The following ARHGAP42 variants were observed in gnomAD, a reference collection of about 807,000 sequenced individuals.
The protein encoded by ARHGAP42 is rho GTPase-activating protein 42.
A neutral mutation model predicts 125.0 loss-of-function variants in ARHGAP42; 63 were observed. That is an observed-to-expected ratio of 0.50 (90% CI 0.41 to 0.62). ARHGAP42 has a LOEUF of 0.62. Ranked by LOEUF, ARHGAP42 falls within the 20% of genes least tolerant of loss-of-function variation. The probability of loss-of-function intolerance (pLI) is 0.00; values close to 1 mark genes in which losing one functional copy is unlikely to be tolerated. For synonymous variants in ARHGAP42, 339 were observed against 351.0 expected, an observed-to-expected ratio of 0.97 and a Z score of 0.38; for missense variants, 766 against 1,024.2, an observed-to-expected ratio of 0.75 and a Z score of 3.44.
intron 5 of ARHGAP42, 146 bp from the exon 6 acceptor site, chr11:100,921,348 A>G (rs558585654): frequency 1.9e-4 from 103 of 534,712 alleles, no homozygotes; most frequent in South Asian, 6.5e-4. Flanking sequence ...TGCCCCATAC[A>G]CTATAAGCTC....
intron 2 of ARHGAP42, among the ~76,000 whole-genome samples, chr11:100,794,277 C>T (rs1863653516): frequency 6.6e-6 from 1 of 152,028 alleles, no homozygotes; most frequent in African/African-American, 2.4e-5. Flanking sequence ...GCTACTATAA[C>T]ATCCCTTTAA....
At chr11:100,725,143 T>C (rs940573918) in intron 1 of ARHGAP42, among the ~76,000 whole-genome samples, 5 of 152,026 alleles carry the variant, frequency 3.3e-5, no homozygotes, top group Admixed American at 2.6e-4. Context: ...TGCTCCCTTA[T>C]GCGCCCATTT....
Position 100,923,966 on chromosome 11 carries a change from T to G in ARHGAP42, c.597+2362T>G, listed in dbSNP as rs141153928. Among the ~76,000 whole-genome samples, 340 of 152,238 alleles carry G rather than the reference T, an allele frequency of 2.2e-3. 1 individual carries two copies. The highest frequency in any genetic ancestry group is 3.5e-3 in the Non-Finnish European group (241 of 68,024). Reference sequence around the variant, plus strand: ...GTATGTCAATCTTTAGGTTATGCATTTACAAATTAATTTGGAGGAGAAAAG... The same window carrying G: ...GTATGTCAATCTTTAGGTTATGCATGTACAAATTAATTTGGAGGAGAAAAG... On this transcript the variant is annotated intron_variant, in intron 6 of 23. Coordinates refer to ENST00000298815, the MANE Select transcript of ARHGAP42 (RefSeq NM_152432.4).
intron 1 of ARHGAP42, among the ~76,000 whole-genome samples, chr11:100,703,947 C>T (rs1861438254): frequency 6.6e-6 from 1 of 152,124 alleles, no homozygotes; most frequent in Non-Finnish European, 1.5e-5. Flanking sequence ...TTATGATACA[C>T]AGATGTTTTG....
At chr11:100,841,227 G>A (rs2135112282) in intron 3 of ARHGAP42, among the ~76,000 whole-genome samples, 1 of 152,238 alleles carries the variant, frequency 6.6e-6, no homozygotes, top group South Asian at 2.1e-4. Flanking sequence ...GTTAGCTCTT[G>A]TCAGTGTAGA....
At chr11:100,755,539 C>T (rs941972130) in intron 1 of ARHGAP42, among the ~76,000 whole-genome samples, 5 of 152,174 alleles carry the variant, frequency 3.3e-5, no homozygotes, top group African/African-American at 1.2e-4. Flanking sequence ...AAATATTGCA[C>T]ACAGTTCCAC....
chr11:100,948,570 A>T, intron 11 of ARHGAP42, 35 bp downstream of exon 11: 1 of 1,457,954 alleles, frequency 6.9e-7, no homozygotes, highest in East Asian at 2.5e-5. Context: ...TTTAGGTTTT[A>T]TTGTCCTAAT....
chr11:100,828,674 C>T (rs189087217), intron 3 of ARHGAP42, among the ~76,000 whole-genome samples: 2 of 151,922 alleles, frequency 1.3e-5, no homozygotes, highest in African/African-American at 4.8e-5. Flanking sequence ...TTGAAAGATA[C>T]TGCTTTTCTG....
At chr11:100,899,610 C>A (rs1439900390) in intron 4 of ARHGAP42, among the ~76,000 whole-genome samples, 2 of 150,544 alleles carry the variant, frequency 1.3e-5, no homozygotes, top group African/African-American at 4.9e-5. Context: ...ACTTCTTTGT[C>A]TCTTTTGATC....
chr11:100,863,659 C>T (rs1476567417), intron 4 of ARHGAP42, among the ~76,000 whole-genome samples: 1 of 152,170 alleles, frequency 6.6e-6, no homozygotes, highest in Admixed American at 6.5e-5. Flanking sequence ...ATGGGTTCTG[C>T]TGTTTCAGAT....
At chr11:100,705,025 A>C (rs1377775988) in intron 1 of ARHGAP42, among the ~76,000 whole-genome samples, 2 of 146,350 alleles carry the variant, frequency 1.4e-5, no homozygotes, top group East Asian at 2.0e-4. Flanking sequence ...AAAAAAAAAA[A>C]AAAAAAAAGA....
intron 3 of ARHGAP42, among the ~76,000 whole-genome samples, chr11:100,858,805 T>C (rs1865381671): frequency 6.6e-6 from 1 of 152,138 alleles, no homozygotes; most frequent in Admixed American, 6.6e-5. Flanking sequence ...TTTATTTTAA[T>C]GCTTTCTAAA....
Position 100,687,812 on chromosome 11 carries a change from T to G in ARHGAP42, c.134T>G (p.Leu45Arg), listed in dbSNP as rs1272010169. 6.4e-7 allele frequency: 1 copy of G among 1,550,486 alleles called. No homozygotes were observed. Among genetic ancestry groups the G allele is most frequent in the Admixed American group, 2.0e-5 (1 of 50,930 alleles). The change falls in exon 1 of 24, where the codon CTG becomes CGG. Residue 45 changes from leucine to arginine, a missense_variant. Physicochemically the swap from Leu to Arg is moderately radical, Grantham distance 102. This residue lies in a region of ARHGAP42 where 455 missense variants were observed against 636.5 expected (regional missense o/e 0.71). Coordinates refer to ENST00000298815, the MANE Select transcript of ARHGAP42 (RefSeq NM_152432.4). ...AAGGAGCTCATTAAGGACGGCTCTC[T>G]GCTCATTGGGGCGTTGAGGAGTAAG... ...FIKELIKDGS[L>R]LIGALRNLSM...
intron 3 of ARHGAP42, among the ~76,000 whole-genome samples, chr11:100,822,689 T>C (rs1287461509): frequency 6.6e-5 from 10 of 152,182 alleles, no homozygotes; most frequent in Non-Finnish European, 1.3e-4. Flanking sequence ...CTTTGCTCCA[T>C]GCCTGTGTGG....
chr11:100,846,993 C>A lies in ARHGAP42; in HGVS notation c.313-12561C>A, dbSNP rs547102505. Among the ~76,000 whole-genome samples, 517 of 152,234 alleles carry A rather than the reference C, an allele frequency of 3.4e-3. 2 individuals are homozygous for A. The highest frequency in any genetic ancestry group is 3.7e-3 in the Non-Finnish European group (254 of 68,014). On this transcript the variant is annotated intron_variant, in intron 3 of 23. Transcript: ENST00000298815. ...AGCTGAAGAAGAGACCCAGAGCCAG[C>A]ACACAAAACACAGGGCTTTATTAGT... is the stretch of plus-strand genomic sequence containing the variant.
chr11:100,842,501 A>G (rs147107531), intron 3 of ARHGAP42, among the ~76,000 whole-genome samples: 300 of 152,258 alleles, frequency 2.0e-3, no homozygotes, highest in African/African-American at 6.8e-3. Flanking sequence ...CAAGAAGCAT[A>G]TTAGCACCTG....
intron 4 of ARHGAP42, among the ~76,000 whole-genome samples, chr11:100,888,177 C>T (rs916526590): frequency 3.3e-5 from 5 of 151,994 alleles, no homozygotes; most frequent in African/African-American, 1.2e-4. Context: ...GAGCAGAACG[C>T]CCCAAACATC....
chr11:100,735,385 T>C (rs868153227), intron 1 of ARHGAP42, among the ~76,000 whole-genome samples: 1 of 152,118 alleles, frequency 6.6e-6, no homozygotes, highest in South Asian at 2.1e-4. Context: ...ATGCCAAAAG[T>C]GACTCCAATA....
At chr11:100,723,269 C>A (rs1565541770) in intron 1 of ARHGAP42, among the ~76,000 whole-genome samples, 1 of 152,158 alleles carries the variant, frequency 6.6e-6, no homozygotes, top group Admixed American at 6.5e-5. Flanking sequence ...CTGCATCCTT[C>A]GCCTTTCAGT....
Sources: gnomAD v4.1 joint callset for allele counts (sites outside exome capture counted in the v4.1 genomes callset) on GRCh38, gnomAD v4.1.1 for gene constraint, gnomAD v4.1.1 regional missense constraint, MANE v1.5 for transcripts, NCBI Gene and HGNC (gene_info 2026-07-23, HGNC 2026-07-21) for gene names.